The following EHD4 variants were observed in gnomAD, a reference collection of about 807,000 sequenced individuals.
EHD4 encodes EH domain containing 4, also known as EH domain-containing protein 4.
A neutral mutation model predicts 51.0 loss-of-function variants in EHD4; 37 were observed. That is an observed-to-expected ratio of 0.73 (90% CI 0.56 to 0.95). The LOEUF is 0.95. Among genes scored for constraint, EHD4 ranks in the 40% least tolerant of loss-of-function variants. The pLI is 0.00. For synonymous variants in EHD4, 297 were observed against 317.3 expected (o/e 0.94, Z 0.68); for missense variants, 632 against 733.1 (o/e 0.86, Z 1.59).
chr15:41,902,978 C>T (rs2067487856), intron 5 of EHD4, among the ~76,000 whole-genome samples: 1 of 151,534 alleles, frequency 6.6e-6, no homozygotes. Flanking sequence ...GGAGAGAAAA[C>T]ACTTGTTTAT....
chr15:41,954,742 A>G (rs537813157), intron 1 of EHD4, among the ~76,000 whole-genome samples: 15 of 152,138 alleles, frequency 9.9e-5, no homozygotes, highest in Non-Finnish European at 2.2e-4. Context: ...GGCTCCAACA[A>G]TCCTCCTGCC....
At chr15:41,966,730 G>C (rs1391524158) in intron 1 of EHD4, among the ~76,000 whole-genome samples, 1 of 152,136 alleles carries the variant, frequency 6.6e-6, no homozygotes, top group Non-Finnish European at 1.5e-5. Context: ...TGCACATCCT[G>C]GTCTGATGGG....
intron 4 of EHD4, 50 bp downstream of exon 4, chr15:41,919,160 A>T (rs1595533467): frequency 6.2e-7 from 1 of 1,607,044 alleles, no homozygotes; most frequent in Admixed American, 1.7e-5. Context: ...TGGAGAGGAG[A>T]CAGCAGAGTC....
intron 2 of EHD4, among the ~76,000 whole-genome samples, chr15:41,948,799 C>T (rs986079541): frequency 2.6e-5 from 4 of 151,850 alleles, no homozygotes; most frequent in African/African-American, 4.8e-5. Context: ...GAGGCCAAGG[C>T]GGGTAGACTG....
rs1174336944 is a variant in EHD4 at position 41,899,502 on chromosome 15, T to C, written c.*1143A>G. The C allele has an allele frequency of 1.3e-5, 2 of 149,110 alleles. No individual in the cohort carries two copies. Among genetic ancestry groups the C allele is most frequent in the Non-Finnish European group, 3.0e-5 (2 of 67,466 alleles). 9.2% of individuals were successfully genotyped at this position (149,110 alleles called of 1,614,324 possible). A position where few individuals can be genotyped will look rare whatever the true frequency, so the allele number is the denominator to read the frequency against. ...TTTCTGTATAAAGGCTTTTATCCTG[T>C]AAGGAAAAAAAAAAAACACAAAACC... On this transcript the variant is annotated 3_prime_UTR_variant, in exon 6 of 6. Transcript: ENST00000220325.
intron 4 of EHD4, among the ~76,000 whole-genome samples, chr15:41,911,209 C>T (rs929949469): frequency 2.0e-5 from 3 of 152,134 alleles, no homozygotes; most frequent in African/African-American, 7.2e-5. Context: ...GCACAAGGGT[C>T]GTTTAACAGA....
intron 1 of EHD4, among the ~76,000 whole-genome samples, chr15:41,967,272 C>A (rs1434907933): frequency 6.6e-6 from 1 of 152,176 alleles, no homozygotes; most frequent in Non-Finnish European, 1.5e-5. Context: ...AGGGAGGCAG[C>A]CTTTTCCAAC....
intron 2 of EHD4, among the ~76,000 whole-genome samples, chr15:41,945,430 C>T (rs961259091): frequency 2.0e-5 from 3 of 152,204 alleles, no homozygotes; most frequent in Non-Finnish European, 2.9e-5. Flanking sequence ...GATGTGCTGA[C>T]GTCACCACAT....
intron 5 of EHD4, chr15:41,908,854 T>G (rs1355813254): frequency 6.6e-6 from 1 of 152,300 alleles, no homozygotes; most frequent in East Asian, 1.9e-4. Context: ...AGAGTTTCTC[T>G]TTCGCCTGGC....
At chr15:41,930,830 A>G (rs1407504653) in intron 3 of EHD4, among the ~76,000 whole-genome samples, 1 of 152,170 alleles carries the variant, frequency 6.6e-6, no homozygotes, top group Non-Finnish European at 1.5e-5. Flanking sequence ...GGCTCCTTAT[A>G]AAAAAATGAC....
At chr15:41,945,106 G>C (rs1181564389) in intron 2 of EHD4, among the ~76,000 whole-genome samples, 1 of 152,180 alleles carries the variant, frequency 6.6e-6, no homozygotes, top group African/African-American at 2.4e-5. Flanking sequence ...TTGTCTCTCA[G>C]TGCCGTCCCA....
At chr15:41,933,541 C>T (rs961780829) in intron 3 of EHD4, among the ~76,000 whole-genome samples, 4 of 152,136 alleles carry the variant, frequency 2.6e-5, no homozygotes, top group Admixed American at 6.5e-5. Flanking sequence ...CAGGGAGAAA[C>T]GTGCCCGGCC....
intron 3 of EHD4, among the ~76,000 whole-genome samples, chr15:41,940,656 A>G (rs2067763747): frequency 1.3e-5 from 2 of 152,106 alleles, no homozygotes; most frequent in South Asian, 4.1e-4. Flanking sequence ...CATATATGCT[A>G]TTTCTGTGCA....
At chr15:41,955,719 C>G (rs1163867751) in intron 1 of EHD4, among the ~76,000 whole-genome samples, 1 of 152,342 alleles carries the variant, frequency 6.6e-6, no homozygotes, top group East Asian at 1.9e-4. Flanking sequence ...CCACACAAAT[C>G]TGAGAAATGC....
At chr15:41,956,759 T>C (rs2067890835) in intron 1 of EHD4, among the ~76,000 whole-genome samples, 2 of 152,222 alleles carry the variant, frequency 1.3e-5, no homozygotes, top group Non-Finnish European at 2.9e-5. Flanking sequence ...GAGGAAGAAC[T>C]AGAATTAGGA....
rs989237496 is a variant in EHD4 at position 41,971,770 on chromosome 15, C to T, written c.236+489G>A. 3.3e-5 allele frequency among the ~76,000 whole-genome samples: 5 copies of T among 152,288 alleles called. No homozygotes were observed. The South Asian group carries it at 6.2e-4, about 19-fold the overall frequency. On this transcript the variant is annotated intron_variant, in intron 1 of 5. Transcript: ENST00000220325. ...AACACTGTGGGGTGGCACGTAAAGA[C>T]CTCAAGGGAAGGGGGCCTGGGCGAT... is the stretch of plus-strand genomic sequence containing the variant.
chr15:41,912,132 C>T (rs1384682611), intron 4 of EHD4, among the ~76,000 whole-genome samples: 3 of 152,162 alleles, frequency 2.0e-5, no homozygotes, highest in African/African-American at 4.8e-5. Context: ...CCTTCACAGC[C>T]CTGATAAACC....
At chr15:41,901,823 G>C (rs1360413915) in intron 5 of EHD4, among the ~76,000 whole-genome samples, 1 of 152,222 alleles carries the variant, frequency 6.6e-6, no homozygotes, top group African/African-American at 2.4e-5. Context: ...CGTAGGACCA[G>C]CCCCACCAAG....
At chr15:41,969,339 G>C (rs1405797510) in intron 1 of EHD4, among the ~76,000 whole-genome samples, 1 of 152,184 alleles carries the variant, frequency 6.6e-6, no homozygotes, top group Non-Finnish European at 1.5e-5. Context: ...CTGAGGTCGG[G>C]AGTTTGAGAC....
Sources: allele counts gnomAD v4.1 joint callset (sites outside exome capture counted in the v4.1 genomes callset), GRCh38; gene constraint gnomAD v4.1.1; transcripts MANE v1.5; gene names NCBI Gene and HGNC (gene_info 2026-07-23, HGNC 2026-07-21).